The following KCND2 variants were observed in gnomAD, a reference collection of about 807,000 sequenced individuals.
KCND2 encodes the protein potassium voltage-gated channel subfamily D member 2, also known as A-type voltage-gated potassium channel KCND2.
KCND2 carries 16 observed loss-of-function variants against 54.4 expected under a neutral mutation model. The observed-to-expected ratio is 0.29, with a 90% confidence interval of 0.20 to 0.45. KCND2 has a LOEUF of 0.45. Ranked by LOEUF, KCND2 falls within the 20% of genes least tolerant of loss-of-function variation. The pLI, the probability that KCND2 is intolerant of heterozygous loss-of-function variation, is 1.00. For synonymous variants in KCND2, 317 were observed against 310.7 expected, an observed-to-expected ratio of 1.02 and a Z score of -0.21; for missense variants, 486 against 824.2, an observed-to-expected ratio of 0.59 and a Z score of 5.02.
At position 120,518,404 on chromosome 7, in the gene KCND2, G is replaced by T. The variant is rs139500499; in HGVS notation, c.1116-214499G>T. 2.0e-5 allele frequency among the ~76,000 whole-genome samples: 3 copies of T among 152,172 alleles called. No homozygotes were observed. The East Asian group carries it at 5.8e-4, about 29-fold the overall frequency. On this transcript the variant is annotated intron_variant, in intron 1 of 5. Coordinates refer to ENST00000331113, the MANE Select transcript of KCND2 (RefSeq NM_012281.3). ...AGTTACCTAAAAAATGAAGCAAATAGCTTAGGTATGAAACAAAAGATGTTA... is the reference window on the plus strand; with the variant it reads ...AGTTACCTAAAAAATGAAGCAAATATCTTAGGTATGAAACAAAAGATGTTA...
chr7:120,455,151 C>T (rs1478936692), intron 1 of KCND2, among the ~76,000 whole-genome samples: 4 of 151,590 alleles, frequency 2.6e-5, no homozygotes. Flanking sequence ...ATCAAACTGT[C>T]AATTACATTC....
At chr7:120,612,371 T>C (rs1035468022) in intron 1 of KCND2, among the ~76,000 whole-genome samples, 2 of 152,250 alleles carry the variant, frequency 1.3e-5, no homozygotes, top group African/African-American at 2.4e-5. Flanking sequence ...TGTAAAGTAG[T>C]GTTTCCCATT....
chr7:120,487,864 C>T (rs557665742), intron 1 of KCND2, among the ~76,000 whole-genome samples: 31 of 152,126 alleles, frequency 2.0e-4, no homozygotes, highest in African/African-American at 6.5e-4. Flanking sequence ...TTCTACATAA[C>T]GAGTAAAAAA....
At chr7:120,729,922 T>C (rs1792784012) in intron 1 of KCND2, among the ~76,000 whole-genome samples, 1 of 152,206 alleles carries the variant, frequency 6.6e-6, no homozygotes, top group African/African-American at 2.4e-5. Context: ...GTGAATTTGC[T>C]GCCTTTCAAT....
At chr7:120,485,992 G>T (rs1027454172) in intron 1 of KCND2, among the ~76,000 whole-genome samples, 1 of 152,138 alleles carries the variant, frequency 6.6e-6, no homozygotes, top group Non-Finnish European at 1.5e-5. Flanking sequence ...TGTTTTTGAT[G>T]TATATATAAC....
intron 1 of KCND2, among the ~76,000 whole-genome samples, chr7:120,351,462 G>C (rs939611356): frequency 2.2e-5 from 3 of 138,416 alleles, no homozygotes; most frequent in African/African-American, 8.1e-5. Context: ...ATCATTACAG[G>C]CTCTTACTAA....
chr7:120,580,097 G>A (rs1041593620), intron 1 of KCND2, among the ~76,000 whole-genome samples: 7 of 152,156 alleles, frequency 4.6e-5, no homozygotes, highest in African/African-American at 7.2e-5. Context: ...ATCGCTCACA[G>A]ATATTAATCA....
chr7:120,423,932 C>A (rs1248273157), intron 1 of KCND2, among the ~76,000 whole-genome samples: 4 of 152,162 alleles, frequency 2.6e-5, no homozygotes, highest in African/African-American at 4.8e-5. Flanking sequence ...ATCCTCACAA[C>A]CTTTGTATGA....
At chr7:120,400,313 G>T (rs1368599553) in intron 1 of KCND2, among the ~76,000 whole-genome samples, 1 of 152,084 alleles carries the variant, frequency 6.6e-6, no homozygotes, top group Non-Finnish European at 1.5e-5. Flanking sequence ...TTTAAAAAAT[G>T]TATTTTATGA....
Position 120,741,630 on chromosome 7 carries a change from G to A in KCND2, c.1374+1G>A, listed in dbSNP as rs1244339026. 3.1e-6 allele frequency: 5 copies of A among 1,597,834 alleles called. No homozygotes were observed. The highest frequency in any genetic ancestry group is 4.3e-6 in the Non-Finnish European group (5 of 1,165,508). ...TGGTTTACTCAGTAATCAGCTGCAG[G>A]TACAATCAATTACATCTCTTTTTTT... On this transcript the variant is annotated splice_donor_variant, in intron 3 of 5. Coordinates refer to ENST00000331113, the MANE Select transcript of KCND2 (RefSeq NM_012281.3). LOFTEE classifies it high-confidence loss of function.
At chr7:120,629,464 C>G (rs62469909) in intron 1 of KCND2, among the ~76,000 whole-genome samples, 14 of 150,758 alleles carry the variant, frequency 9.3e-5, no homozygotes, top group East Asian at 2.0e-4. Context: ...CCATCCTGGG[C>G]GACAGAGCGA....
At chr7:120,416,962 C>T (rs1339082389) in intron 1 of KCND2, among the ~76,000 whole-genome samples, 2 of 152,196 alleles carry the variant, frequency 1.3e-5, no homozygotes, top group Non-Finnish European at 2.9e-5. Flanking sequence ...TCTCCTGCCT[C>T]AGCCTCCCAG....
At chr7:120,588,512 T>C (rs537764365) in intron 1 of KCND2, among the ~76,000 whole-genome samples, 1 of 151,630 alleles carries the variant, frequency 6.6e-6, no homozygotes, top group South Asian at 2.1e-4. Context: ...GAACCCATAA[T>C]CTTGAAATAG....
chr7:120,584,775 C>G (rs1443753699), intron 1 of KCND2, among the ~76,000 whole-genome samples: 2 of 151,076 alleles, frequency 1.3e-5, no homozygotes, highest in Admixed American at 6.6e-5. Flanking sequence ...CGCGTGCACA[C>G]ACACACACTT....
chr7:120,509,442 T>C (rs1247779081), intron 1 of KCND2, among the ~76,000 whole-genome samples: 2 of 152,068 alleles, frequency 1.3e-5, no homozygotes, highest in African/African-American at 4.8e-5. Context: ...AAATGAAAAG[T>C]GCATTTTAAC....
chr7:120,342,734 T>G (rs1800258476), intron 1 of KCND2, among the ~76,000 whole-genome samples: 1 of 152,162 alleles, frequency 6.6e-6, no homozygotes, highest in African/African-American at 2.4e-5. Flanking sequence ...TTTAGAGTAT[T>G]TTATGAATAA....
intron 1 of KCND2, among the ~76,000 whole-genome samples, chr7:120,593,730 A>G (rs894816397): frequency 1.3e-5 from 2 of 152,152 alleles, no homozygotes; most frequent in African/African-American, 4.8e-5. Flanking sequence ...CATTGTCCAC[A>G]CCTAGAGTAC....
rs181626236 is a variant in KCND2, at chr7:120,428,415, C to T, written c.1115+152668C>T. Reference sequence around the variant, plus strand: ...TAAGGTGAAACCATAGCATTAGGGACCAGAGTAGGAAATAAGCGTTAGGAG... The same window carrying T: ...TAAGGTGAAACCATAGCATTAGGGATCAGAGTAGGAAATAAGCGTTAGGAG... On this transcript the variant is annotated intron_variant, in intron 1 of 5. Coordinates refer to ENST00000331113, the MANE Select transcript of KCND2 (RefSeq NM_012281.3). Among the ~76,000 whole-genome samples, 147 of 152,076 alleles carry T rather than the reference C, an allele frequency of 9.7e-4. 1 individual carries two copies. In the Middle Eastern group the frequency reaches 0.014, roughly 14 times the overall value.
chr7:120,274,723 C>T lies in KCND2; in HGVS notation c.91C>T (p.Pro31Ser). The T allele has an allele frequency of 6.2e-7, 1 of 1,613,962 alleles. No homozygotes were observed. Among genetic ancestry groups the T allele is most frequent in the Non-Finnish European group, 8.5e-7 (1 of 1,179,960 alleles). Residue 31 changes from proline (P) to serine (S), a missense_variant, in exon 1 of 6, where the codon CCG becomes TCG. Physicochemically the swap from Pro to Ser is moderately conservative, Grantham distance 74 (BLOSUM62 -1). This residue lies in a region of KCND2 where 231 missense variants were observed against 386.0 expected (regional missense o/e 0.60). Coordinates refer to ENST00000331113, the MANE Select transcript of KCND2 (RefSeq NM_012281.3). ...GGCCTCGGGGCCTATGCCGGCTCCCCCGAGGCAGGAGAGGAAAAGGACCCA... is the reference window on the plus strand; with the variant it reads ...GGCCTCGGGGCCTATGCCGGCTCCCTCGAGGCAGGAGAGGAAAAGGACCCA... ...PVASGPMPAP[P>S]RQERKRTQDA...
Sources: gnomAD v4.1 joint callset for allele counts (sites outside exome capture counted in the v4.1 genomes callset) on GRCh38, gnomAD v4.1.1 for gene constraint, gnomAD v4.1.1 regional missense constraint, MANE v1.5 for transcripts, NCBI Gene and HGNC (gene_info 2026-07-23, HGNC 2026-07-21) for gene names.